Variants in DYNC1I1 observed in about 807,000 individuals in gnomAD.
The protein encoded by DYNC1I1 is cytoplasmic dynein 1 intermediate chain 1.
In DYNC1I1, 43 loss-of-function variants were observed where a neutral mutation model predicts 86.6. The ratio of observed to expected loss-of-function variants is 0.50; its 90% CI spans 0.39 to 0.64. The LOEUF (loss-of-function observed/expected upper bound fraction) is 0.64, where lower values mean the gene tolerates loss of function less well. DYNC1I1 is among the 30% of genes least tolerant of loss of function. DYNC1I1 has a pLI of 0.00. For missense variants in DYNC1I1, 604 were observed against 788.8 expected (o/e 0.77, Z 2.81); for synonymous variants, 262 against 283.7 (o/e 0.92, Z 0.77).
intron 6 of DYNC1I1, among the ~76,000 whole-genome samples, chr7:95,945,821 A>G (rs922526860): frequency 4.6e-5 from 7 of 152,184 alleles, no homozygotes; most frequent in Non-Finnish European, 1.0e-4. Context: ...ACAATATGGA[A>G]TGATATATTC....
At chr7:96,102,808 A>G (rs1270406345), downstream of DYNC1I1, among the ~76,000 whole-genome samples, 2 of 152,206 alleles carry the variant, frequency 1.3e-5, no homozygotes, top group African/African-American at 4.8e-5. Context: ...ATGGGATTCT[A>G]CAGGAAGGCC....
At chr7:95,889,465 C>T (rs1481571624) in intron 6 of DYNC1I1, among the ~76,000 whole-genome samples, 13 of 152,086 alleles carry the variant, frequency 8.5e-5, no homozygotes, top group African/African-American at 3.1e-4. Flanking sequence ...GGATTAAAGA[C>T]TTAAATGTAA....
At chr7:95,853,957 A>G (rs562615187) in intron 5 of DYNC1I1, among the ~76,000 whole-genome samples, 2 of 152,182 alleles carry the variant, frequency 1.3e-5, no homozygotes, top group Non-Finnish European at 2.9e-5. Context: ...CATGTCTAAC[A>G]TGTATAGCTA....
intron 12 of DYNC1I1, among the ~76,000 whole-genome samples, chr7:96,034,770 T>C (rs1408152688): frequency 6.6e-6 from 1 of 152,190 alleles, no homozygotes; most frequent in Non-Finnish European, 1.5e-5. Flanking sequence ...TTCAATTTAA[T>C]GGACTCCTTG....
chr7:95,815,948 C>A lies in DYNC1I1; in HGVS notation c.314+2611C>A, dbSNP rs2690294. Among the ~76,000 whole-genome samples, 15 of 151,754 alleles carry A rather than the reference C, an allele frequency of 9.9e-5. 1 individual carries two copies. Among genetic ancestry groups the A allele is most frequent in the African/African-American group, 2.7e-4 (11 of 41,298 alleles). ...GTAACTAGTTAATCTGCAAATTGGCCTACTCAATGTACTTTATTATAGAGA... is the reference window on the plus strand; with the variant it reads ...GTAACTAGTTAATCTGCAAATTGGCATACTCAATGTACTTTATTATAGAGA... On this transcript the variant is annotated intron_variant, in intron 4 of 16. Transcript: ENST00000447467.
At chr7:96,059,430 C>G (rs1789696945) in intron 14 of DYNC1I1, among the ~76,000 whole-genome samples, 1 of 152,052 alleles carries the variant, frequency 6.6e-6, no homozygotes, top group South Asian at 2.1e-4. Flanking sequence ...GAGCTGGGAA[C>G]AGGTACATCA....
At chr7:95,971,346 T>C (rs530670113) in intron 6 of DYNC1I1, among the ~76,000 whole-genome samples, 119 of 152,344 alleles carry the variant, frequency 7.8e-4, no homozygotes, top group Non-Finnish European at 1.5e-3. Context: ...TTTAAAACTT[T>C]AATAGAACTT....
chr7:96,064,140 T>C (rs746426739), intron 14 of DYNC1I1, among the ~76,000 whole-genome samples: 2 of 151,892 alleles, frequency 1.3e-5, no homozygotes, highest in Admixed American at 6.6e-5. Flanking sequence ...GAGTCAGTGC[T>C]TGTTTCTAAG....
intron 16 of DYNC1I1, among the ~76,000 whole-genome samples, chr7:96,092,012 T>C (rs1207693732): frequency 6.6e-6 from 1 of 152,220 alleles, no homozygotes; most frequent in East Asian, 1.9e-4. Context: ...ACTTGATTTT[T>C]AAACCAACAA....
intron 6 of DYNC1I1, among the ~76,000 whole-genome samples, chr7:95,927,910 C>T (rs1791787638): frequency 6.6e-6 from 1 of 152,254 alleles, no homozygotes; most frequent in South Asian, 2.1e-4. Context: ...ACCAAACCAC[C>T]GCATAATTTC....
intron 10 of DYNC1I1, among the ~76,000 whole-genome samples, chr7:96,003,144 A>G (rs1256184041): frequency 6.6e-6 from 1 of 152,242 alleles, no homozygotes; most frequent in Non-Finnish European, 1.5e-5. Context: ...TACCCGGCTG[A>G]ACTCAGCATT....
At chr7:95,887,594 C>T (rs1790627760) in intron 6 of DYNC1I1, among the ~76,000 whole-genome samples, 1 of 152,196 alleles carries the variant, frequency 6.6e-6, no homozygotes, top group Non-Finnish European at 1.5e-5. Context: ...TCACCCTTCT[C>T]TATGAGCAAG....
At chr7:95,970,790 T>C (rs951921238) in intron 6 of DYNC1I1, among the ~76,000 whole-genome samples, 1 of 152,178 alleles carries the variant, frequency 6.6e-6, no homozygotes, top group African/African-American at 2.4e-5. Flanking sequence ...TAGAGATAGA[T>C]GCAAAAAACT....
intron 6 of DYNC1I1, among the ~76,000 whole-genome samples, chr7:95,939,523 G>C (rs1204935325): frequency 6.6e-6 from 1 of 151,750 alleles, no homozygotes; most frequent in Non-Finnish European, 1.5e-5. Context: ...AGCTCTTCTT[G>C]TTGAATTGAT....
At chr7:95,937,889 T>G (rs565497503) in intron 6 of DYNC1I1, among the ~76,000 whole-genome samples, 8 of 151,794 alleles carry the variant, frequency 5.3e-5, no homozygotes, top group African/African-American at 1.9e-4. Context: ...AACACCTTGA[T>G]GTTTGCCATG....
intron 16 of DYNC1I1, among the ~76,000 whole-genome samples, chr7:96,089,547 AC>A (rs1268587884): frequency 6.6e-6 from 1 of 152,134 alleles, no homozygotes; most frequent in African/African-American, 2.4e-5. Flanking sequence ...AGAAAAGAGT[AC>A]TTACCCTTCC....
At chr7:95,788,904 A>G (rs1044937100) in intron 1 of DYNC1I1, among the ~76,000 whole-genome samples, 8 of 152,058 alleles carry the variant, frequency 5.3e-5, no homozygotes, top group African/African-American at 1.7e-4. Context: ...ATATTTTGTG[A>G]CCCCTTAGCA....
At chr7:95,960,268 G>A (rs999488012) in intron 6 of DYNC1I1, among the ~76,000 whole-genome samples, 1 of 151,984 alleles carries the variant, frequency 6.6e-6, no homozygotes, top group Non-Finnish European at 1.5e-5. Context: ...CACCACTCCT[G>A]GCTAATTTTT....
intron 10 of DYNC1I1, among the ~76,000 whole-genome samples, chr7:96,019,938 C>T (rs775585083): frequency 7.2e-5 from 11 of 151,902 alleles, no homozygotes; most frequent in Non-Finnish European, 1.3e-4. Context: ...CTTTAAACTA[C>T]ATTACCTAAT....
Sources: gnomAD v4.1 joint callset for allele counts (sites outside exome capture counted in the v4.1 genomes callset) on GRCh38, gnomAD v4.1.1 for gene constraint, MANE v1.5 for transcripts, NCBI Gene and HGNC (gene_info 2026-07-23, HGNC 2026-07-21) for gene names.